The following ARSK variants were observed in gnomAD, a reference collection of about 807,000 sequenced individuals.
ARSK encodes the protein arylsulfatase K.
ARSK carries 37 observed loss-of-function variants against 53.2 expected under a neutral mutation model. That is an observed-to-expected ratio of 0.70 (90% CI 0.54 to 0.92). The LOEUF (loss-of-function observed/expected upper bound fraction) is 0.92. Among genes scored for constraint, ARSK ranks in the 40% least tolerant of loss-of-function variants. The pLI is 0.00. For missense variants in ARSK, 613 were observed against 643.0 expected (o/e 0.95, Z 0.51); for synonymous variants, 208 against 223.2 (o/e 0.93, Z 0.61).
intron 6 of ARSK, among the ~76,000 whole-genome samples, chr5:95,595,964 G>A (rs1333810068): frequency 6.6e-6 from 1 of 152,174 alleles, no homozygotes; most frequent in Non-Finnish European, 1.5e-5. Flanking sequence ...TTTAGATACT[G>A]TGTCCATCTA....
At chr5:95,566,461 T>C (rs898654139) in intron 2 of ARSK, among the ~76,000 whole-genome samples, 2 of 152,226 alleles carry the variant, frequency 1.3e-5, no homozygotes, top group African/African-American at 4.8e-5. Context: ...AGGGAAATTT[T>C]TCAGTAACGG....
rs1254828134 is a variant in ARSK at position 95,603,777 on chromosome 5, G to C, written c.*251G>C. ...ACAAAAATTAGCTGGGCGCGGTGGT[G>C]CACACCTATAGTCTCAGCTACTCAG... On this transcript the variant is annotated 3_prime_UTR_variant, in exon 8 of 8. Transcript: ENST00000380009. 1.3e-5 allele frequency: 3 copies of C among 229,410 alleles called. No individual in the cohort carries two copies. The highest frequency in any genetic ancestry group is 6.9e-5 in the African/African-American group (3 of 43,488). 14.2% of individuals were successfully genotyped at this position (229,410 alleles called of 1,614,324 possible).
intron 5 of ARSK, among the ~76,000 whole-genome samples, chr5:95,589,592 C>T (rs571727859): frequency 2.6e-5 from 4 of 152,210 alleles, no homozygotes; most frequent in African/African-American, 9.6e-5. Context: ...TCCATGTCCC[C>T]GCAAAGGACA....
At position 95,591,415 on chromosome 5, in the gene ARSK, G is replaced by A. The variant is rs770789117; in HGVS notation, c.886G>A (p.Ala296Thr). 2 of 1,611,816 alleles carry A rather than the reference G, an allele frequency of 1.2e-6. No homozygotes were observed. The highest frequency in any genetic ancestry group is 4.5e-5 in the East Asian group (2 of 44,864). ...TDAMLGEIIL[A>T]LHQLDLLQKT... ...TTCTATTGTAGGTGAAATTATTTTGGCCCTTCATCAATTAGATCTTCTTCA... is the reference window on the plus strand; with the variant it reads ...TTCTATTGTAGGTGAAATTATTTTGACCCTTCATCAATTAGATCTTCTTCA... The change falls in exon 6 of 8, where the codon GCC becomes ACC. Residue 296 changes from alanine to threonine, a missense_variant. Physicochemically the swap from Ala to Thr is moderately conservative, Grantham distance 58 (BLOSUM62 0). Coordinates refer to ENST00000380009, the MANE Select transcript of ARSK (RefSeq NM_198150.3).
intron 1 of ARSK, among the ~76,000 whole-genome samples, chr5:95,560,150 A>T (rs1748603423): frequency 6.6e-6 from 1 of 152,230 alleles, no homozygotes; most frequent in South Asian, 2.1e-4. Flanking sequence ...ATACTCCGAA[A>T]ACTACAAAAC....
chr5:95,581,577 C>G (rs1454707358), intron 3 of ARSK, among the ~76,000 whole-genome samples: 1 of 152,212 alleles, frequency 6.6e-6, no homozygotes, highest in African/African-American at 2.4e-5. Flanking sequence ...GTAATACTCT[C>G]TGATTGAAAA....
chr5:95,583,402 A>C (rs1270411526), intron 4 of ARSK, among the ~76,000 whole-genome samples: 1 of 152,184 alleles, frequency 6.6e-6, no homozygotes, highest in Non-Finnish European at 1.5e-5. Flanking sequence ...TTCTGGATTG[A>C]ATTCATTTGC....
chr5:95,555,514 C>G lies in ARSK; in HGVS notation c.126+110C>G. Reference sequence around the variant, plus strand: ...CAGAACCTGAGACATTTTCAAACACCTTTTACCCCGATGCAAAGAAAGAAA... The same window carrying G: ...CAGAACCTGAGACATTTTCAAACACGTTTTACCCCGATGCAAAGAAAGAAA... On this transcript the variant is annotated intron_variant, in intron 1 of 7. Coordinates refer to ENST00000380009, the MANE Select transcript of ARSK (RefSeq NM_198150.3). This position sits in a 1 kb window ranked among gnomAD's most constrained non-coding sequence, Gnocchi z 4.0. 5 of 1,189,764 alleles carry G rather than the reference C, an allele frequency of 4.2e-6. No homozygotes were observed. Among genetic ancestry groups the G allele is most frequent in the Non-Finnish European group, 5.7e-6 (5 of 883,400 alleles). The allele number at this position is 1,189,764 out of a possible 1,614,324, so 73.7% of individuals were successfully genotyped here.
intron 1 of ARSK, among the ~76,000 whole-genome samples, chr5:95,560,055 C>G (rs1224970391): frequency 6.6e-6 from 1 of 151,850 alleles, no homozygotes; most frequent in Admixed American, 6.6e-5. Context: ...CACTTATAGT[C>G]AAATTAAGAA....
intron 1 of ARSK, among the ~76,000 whole-genome samples, chr5:95,558,751 G>A (rs1198812900): frequency 6.6e-6 from 1 of 152,130 alleles, no homozygotes; most frequent in Admixed American, 6.5e-5. Context: ...AGACCCAAAC[G>A]GTTTCACTGA....
At chr5:95,583,430 A>T (rs1280549626) in intron 4 of ARSK, among the ~76,000 whole-genome samples, 1 of 152,166 alleles carries the variant, frequency 6.6e-6, no homozygotes, top group African/African-American at 2.4e-5. Flanking sequence ...ATGTCTATAA[A>T]CAGAGAAACT....
chr5:95,586,758 T>G, intron 5 of ARSK, 25 bp downstream of exon 5: 5 of 1,530,366 alleles, frequency 3.3e-6, no homozygotes, highest in Non-Finnish European at 4.4e-6. Context: ...TAATAAGCAA[T>G]TACATGAAGA....
intron 6 of ARSK, among the ~76,000 whole-genome samples, chr5:95,597,403 G>A (rs971289582): frequency 4.5e-4 from 68 of 152,170 alleles, no homozygotes; most frequent in African/African-American, 1.6e-3. Context: ...GTTTTGCATA[G>A]ATTCTTGTGT....
In ARSK at chr5:95,601,323, A is replaced by G. The variant is rs191714432; in HGVS notation, c.1321+252A>G. ...GAAACCAGTTTTCTCTGATCAGGGC[A>G]TCTTTCAGTACTCATGGTTATCTTT... On this transcript the variant is annotated intron_variant, in intron 7 of 7. Transcript: ENST00000380009. Among the ~76,000 whole-genome samples, 54 of 152,366 alleles carry G rather than the reference A, an allele frequency of 3.5e-4. 1 individual carries two copies. The East Asian group carries it at 0.01, about 28-fold the overall frequency.
chr5:95,597,197 ATTG>A (rs1421402016), intron 6 of ARSK, among the ~76,000 whole-genome samples: 1 of 152,080 alleles, frequency 6.6e-6, no homozygotes, highest in Non-Finnish European at 1.5e-5. Flanking sequence ...TTTCATGTGA[ATTG>A]TTTTCTGTAA....
intron 3 of ARSK, among the ~76,000 whole-genome samples, chr5:95,574,316 G>T (rs931714118): frequency 6.6e-6 from 1 of 152,198 alleles, no homozygotes; most frequent in South Asian, 2.1e-4. Context: ...ACATGGAAGT[G>T]CAGATATCTC....
At chr5:95,586,473 A>C in intron 4 of ARSK, 89 bp from the exon 5 acceptor site, 1 of 1,022,774 alleles carries the variant, frequency 9.8e-7, no homozygotes. Flanking sequence ...TAAGTAATTA[A>C]ACATTGTTGA....
intron 3 of ARSK, among the ~76,000 whole-genome samples, chr5:95,572,100 T>C (rs1409151268): frequency 6.6e-6 from 1 of 152,204 alleles, no homozygotes; most frequent in Non-Finnish European, 1.5e-5. Flanking sequence ...CAGCGATGCT[T>C]CCTTCTTGTA....
chr5:95,596,310 A>G (rs1269404955), intron 6 of ARSK, among the ~76,000 whole-genome samples: 2 of 152,224 alleles, frequency 1.3e-5, no homozygotes, highest in Non-Finnish European at 2.9e-5. Context: ...ACCAATTAGG[A>G]GCTTAAAATA....
Sources: allele counts gnomAD v4.1 joint callset (sites outside exome capture counted in the v4.1 genomes callset), GRCh38; gene constraint gnomAD v4.1.1; non-coding constraint Gnocchi (gnomAD v3.1); transcripts MANE v1.5; gene names NCBI Gene and HGNC (gene_info 2026-07-23, HGNC 2026-07-21).